Variants in DDX4 observed in about 807,000 individuals in gnomAD.
DDX4 encodes DEAD-box helicase 4.
Under a neutral mutation model 100.0 loss-of-function variants are expected in DDX4, and 25 were observed. That is an observed-to-expected ratio of 0.25 (90% CI 0.18 to 0.35). The LOEUF (loss-of-function observed/expected upper bound fraction) is 0.35, where lower values mean the gene tolerates loss of function less well. Ranked by LOEUF, DDX4 falls within the 10% of genes least tolerant of loss-of-function variation. The pLI is 1.00. For missense variants in DDX4, 635 were observed against 882.4 expected (o/e 0.72, Z 3.55); for synonymous variants, 259 against 275.7 (o/e 0.94, Z 0.60).
chr5:55,768,412 T>G (rs914422005), intron 7 of DDX4, among the ~76,000 whole-genome samples: 1 of 152,186 alleles, frequency 6.6e-6, no homozygotes, highest in African/African-American at 2.4e-5. Flanking sequence ...ATTAGTTTGC[T>G]TAGAATAATG....
rs574096299 is a variant in DDX4 at position 55,816,736 on chromosome 5, A to G, written c.*196A>G. On this transcript the variant is annotated 3_prime_UTR_variant, in exon 22 of 22. Transcript: ENST00000505374. ...AACTTACAACATTGCAGTTACTGAT[A>G]CAAATGGTGTTAACTGGGAATATTA... 25 of 887,832 alleles carry G rather than the reference A, an allele frequency of 2.8e-5. No homozygotes were observed. The African/African-American group carries it at 3.9e-4, about 14-fold the overall frequency. 55.0% of individuals were successfully genotyped at this position (887,832 alleles called of 1,614,324 possible).
At chr5:55,770,510 A>G (rs1482316882) in intron 7 of DDX4, among the ~76,000 whole-genome samples, 9 of 152,240 alleles carry the variant, frequency 5.9e-5, no homozygotes, top group Admixed American at 5.9e-4. Context: ...AAAACGTATG[A>G]AGAATATAGT....
intron 3 of DDX4, among the ~76,000 whole-genome samples, chr5:55,746,554 G>A (rs934666523): frequency 8.5e-5 from 13 of 152,174 alleles, no homozygotes; most frequent in South Asian, 2.1e-4. Context: ...TAAGGTTGTC[G>A]AAGCAGGTTA....
chr5:55,806,143 T>A (rs1211233299), intron 18 of DDX4, among the ~76,000 whole-genome samples: 2 of 152,202 alleles, frequency 1.3e-5, no homozygotes, highest in Non-Finnish European at 2.9e-5. Flanking sequence ...TGATGGTAGT[T>A]TGTATTTCTG....
chr5:55,813,835 C>G, intron 19 of DDX4, 63 bp downstream of exon 19: 1 of 1,445,786 alleles, frequency 6.9e-7, no homozygotes, highest in Non-Finnish European at 9.1e-7. Context: ...TAAGAAACAT[C>G]AGTTTATATA....
At chr5:55,791,969 C>A (rs909031072) in intron 16 of DDX4, among the ~76,000 whole-genome samples, 9 of 151,756 alleles carry the variant, frequency 5.9e-5, no homozygotes, top group East Asian at 1.9e-4. Flanking sequence ...CACACACACA[C>A]AAAAATTAGC....
At chr5:55,739,716 T>C (rs1758874688) in intron 2 of DDX4, among the ~76,000 whole-genome samples, 1 of 152,226 alleles carries the variant, frequency 6.6e-6, no homozygotes, top group African/African-American at 2.4e-5. Context: ...TCTGACACTT[T>C]CTGATTTCAA....
chr5:55,783,633 AGATGGATGGATGGATGGATGGATGGATG>A (rs59794903), intron 10 of DDX4, among the ~76,000 whole-genome samples: 2 of 146,638 alleles, frequency 1.4e-5, no homozygotes, highest in African/African-American at 5.1e-5. Flanking sequence ...AGGAGGGAGG[AGATGGATGGATGGATGGATGGATGGATG>A]GATGGATGGA....
At chr5:55,808,251 C>T (rs1056684712) in intron 18 of DDX4, among the ~76,000 whole-genome samples, 4 of 152,092 alleles carry the variant, frequency 2.6e-5, no homozygotes, top group African/African-American at 9.7e-5. Flanking sequence ...AACTTCTTTG[C>T]CATGGCTTTG....
At chr5:55,780,198 A>T in intron 8 of DDX4, 133 bp downstream of exon 8, 3 of 1,313,570 alleles carry the variant, frequency 2.3e-6, no homozygotes, top group Non-Finnish European at 3.1e-6. Context: ...ATACACATTA[A>T]TCACCACATT....
rs151015095 is a variant in DDX4, at chr5:55,815,364, A to G, written c.2038A>G (p.Ile680Val). The G allele has an allele frequency of 1.5e-5, 24 of 1,613,868 alleles. No individual in the cohort carries two copies. Among genetic ancestry groups the G allele is most frequent in the Non-Finnish European group, 1.9e-5 (23 of 1,179,968 alleles). The change falls in exon 21 of 22, where the codon ATT becomes GTT. Residue 680 changes from isoleucine to valine, a missense_variant. Ile to Val is a conservative substitution (Grantham distance 29, BLOSUM62 3). Around this residue, in one of 4 missense-constraint regions of DDX4, gnomAD observed 73 missense variants for 98.5 expected, o/e 0.74. Coordinates refer to ENST00000505374, the MANE Select transcript of DDX4 (RefSeq NM_024415.3). ...GGAAGAAATTGCCTTTAGTACATAC[A>G]TTCCTGGCTTCAGTGGTAGTACAAG... ...WLEEIAFSTYIPGFSGSTRGN... is the reference protein window; with the variant it reads ...WLEEIAFSTYVPGFSGSTRGN...
intron 4 of DDX4, among the ~76,000 whole-genome samples, chr5:55,762,299 A>G (rs558958474): frequency 6.6e-6 from 1 of 152,248 alleles, no homozygotes; most frequent in East Asian, 1.9e-4. Context: ...ATTTTAAATA[A>G]TCGTTCTTGC....
In DDX4 at chr5:55,738,106, G is replaced by C. The variant is rs1758788598; in HGVS notation, c.-15+5G>C. The C allele has an allele frequency of 6.6e-6, 1 of 152,340 alleles. No individual in the cohort carries two copies. The highest frequency in any genetic ancestry group is 6.5e-5 in the Admixed American group (1 of 15,292). 9.4% of individuals were successfully genotyped at this position (152,340 alleles called of 1,614,324 possible). A position where few individuals can be genotyped will look rare whatever the true frequency, so the allele number is the denominator to read the frequency against. Reference sequence around the variant, plus strand: ...GGGAGAGCAAGCCGCGGAGAGGTGAGTGGGCCGCTTTTCTACGGGAACTGG... The same window carrying C: ...GGGAGAGCAAGCCGCGGAGAGGTGACTGGGCCGCTTTTCTACGGGAACTGG... On this transcript the variant is annotated splice_donor_5th_base_variant and intron_variant, in intron 1 of 21. Transcript: ENST00000505374.
chr5:55,803,678 A>G (rs947304811), intron 18 of DDX4, among the ~76,000 whole-genome samples: 2 of 152,030 alleles, frequency 1.3e-5, no homozygotes, highest in African/African-American at 4.8e-5. Flanking sequence ...ATGGATGCAC[A>G]GTATTCCATG....
rs527594200 is a variant in DDX4 at position 55,807,461 on chromosome 5, CG to C, written c.1616-6210del. Among the ~76,000 whole-genome samples the C allele has an allele frequency of 9.0e-4, 137 of 152,188 alleles. No individual in the cohort carries two copies. In the Middle Eastern group the frequency reaches 0.01, roughly 11 times the overall value. ...GGCATGTTTTTGCAGTGGCTGGTAC[CG>C]GTTATTCCTTTCCATGTTTATTGCT... is the stretch of plus-strand genomic sequence containing the variant. On this transcript the variant is annotated intron_variant, in intron 18 of 21. Coordinates refer to ENST00000505374, the MANE Select transcript of DDX4 (RefSeq NM_024415.3).
At chr5:55,770,458 T>G (rs1393161466) in intron 7 of DDX4, among the ~76,000 whole-genome samples, 3 of 152,244 alleles carry the variant, frequency 2.0e-5, no homozygotes, top group African/African-American at 7.2e-5. Context: ...TGCTTAATTC[T>G]TGATTATATA....
chr5:55,769,549 G>C (rs988287350), intron 7 of DDX4, among the ~76,000 whole-genome samples: 43 of 152,064 alleles, frequency 2.8e-4, no homozygotes, highest in African/African-American at 1.0e-3. Flanking sequence ...CAAAATCAAT[G>C]TACAAAAATC....
chr5:55,808,089 C>T (rs1314530281), intron 18 of DDX4, among the ~76,000 whole-genome samples: 1 of 152,186 alleles, frequency 6.6e-6, no homozygotes, highest in Admixed American at 6.5e-5. Flanking sequence ...CAGTGATACC[C>T]TTTCTTCCAG....
chr5:55,765,966 G>A (rs1255945004), intron 6 of DDX4, among the ~76,000 whole-genome samples: 4 of 143,890 alleles, frequency 2.8e-5, no homozygotes, highest in South Asian at 4.4e-4. Flanking sequence ...CATCACGCCC[G>A]ACTAATTTTT....
Sources: allele counts gnomAD v4.1 joint callset (sites outside exome capture counted in the v4.1 genomes callset), GRCh38; gene constraint gnomAD v4.1.1; regional missense constraint gnomAD v4.1.1; transcripts MANE v1.5; gene names NCBI Gene and HGNC (gene_info 2026-07-23, HGNC 2026-07-21).